The following TNKS2 variants were observed in gnomAD, a reference collection of about 807,000 sequenced individuals.
TNKS2 encodes poly [ADP-ribose] polymerase tankyrase-2.
A neutral mutation model predicts 137.6 loss-of-function variants in TNKS2; 72 were observed. That is an observed-to-expected ratio of 0.52 (90% confidence interval 0.43 to 0.64). The LOEUF (loss-of-function observed/expected upper bound fraction) is 0.64, where lower values mean the gene tolerates loss of function less well. TNKS2 is among the 30% of genes least tolerant of loss of function. The probability of loss-of-function intolerance (pLI) is 0.00; values close to 1 mark genes in which losing one functional copy is unlikely to be tolerated. For synonymous variants in TNKS2, 516 were observed against 512.1 expected, an observed-to-expected ratio of 1.01 and a Z score of -0.10; for missense variants, 1,049 against 1,410.2, an observed-to-expected ratio of 0.74 and a Z score of 4.10.
Position 91,849,562 on chromosome 10 carries a change from G to A in TNKS2, c.2662G>A (p.Glu888Lys), listed in dbSNP as rs556843721. ...ITQFVRNLGL[E>K]HLMDIFEREQ... ...TCAATTCGTAAGGAATCTTGGACTT[G>A]AGCACCTAATGGATATATTTGAGAG... Residue 888 changes from glutamate to lysine, a missense_variant, in exon 20 of 27, where the codon GAG becomes AAG. By Grantham distance (56) the Glu-to-Lys change is moderately conservative. Transcript: ENST00000371627. 40 of 1,612,228 alleles carry A rather than the reference G, an allele frequency of 2.5e-5. No homozygotes were observed. The South Asian group carries it at 3.9e-4, about 16-fold the overall frequency.
chr10:91,820,580 A>G (rs1589657852), intron 6 of TNKS2, among the ~76,000 whole-genome samples: 1 of 152,354 alleles, frequency 6.6e-6, no homozygotes, highest in Non-Finnish European at 1.5e-5. Flanking sequence ...AGAAATAGGT[A>G]AGAACCAGGT....
intron 1 of TNKS2, 138 bp from the exon 2 acceptor site, chr10:91,812,845 C>A: frequency 6.9e-7 from 1 of 1,450,472 alleles, no homozygotes. Context: ...TTTCTGATCA[C>A]CTTTCCATTA....
intron 1 of TNKS2, among the ~76,000 whole-genome samples, chr10:91,810,284 A>G (rs923850299): frequency 7.2e-5 from 11 of 151,874 alleles, no homozygotes; most frequent in Non-Finnish European, 1.2e-4. Flanking sequence ...AAGCTAAGGC[A>G]GGAGAATCGC....
Position 91,859,631 on chromosome 10 carries a change from T to C in TNKS2, c.3264T>C (p.Ser1088=), listed in dbSNP as rs750754816. The C allele has an allele frequency of 1.2e-6, 2 of 1,611,714 alleles. No homozygotes were observed. The highest frequency in any genetic ancestry group is 1.7e-6 in the Non-Finnish European group (2 of 1,179,176). Residue 1088 remains serine, a synonymous_variant, in exon 25 of 27, where the codon TCT becomes TCC. Transcript: ENST00000371627. ...GTGCPVHKDR[S]CYICHRQLLF... Reference sequence around the variant, plus strand: ...GGTGTCCAGTTCACAAAGACAGATCTTGTTACATTTGCCACAGGTAAGAGA... The same window carrying C: ...GGTGTCCAGTTCACAAAGACAGATCCTGTTACATTTGCCACAGGTAAGAGA...
intron 23 of TNKS2, among the ~76,000 whole-genome samples, chr10:91,857,119 A>T (rs1842729037): frequency 6.6e-6 from 1 of 152,162 alleles, no homozygotes; most frequent in Admixed American, 6.5e-5. Context: ...GGCATGTCTG[A>T]TTTGGAGGTG....
In TNKS2 at chr10:91,851,072, T is replaced by A. The variant is rs1842526098; in HGVS notation, c.2695-144T>A. The A allele has an allele frequency of 6.2e-6, 7 of 1,122,638 alleles. No homozygotes were observed. In the South Asian group the frequency reaches 6.6e-5, roughly 11 times the overall value. The allele number at this position is 1,122,638 out of a possible 1,614,324, so 69.5% of individuals were successfully genotyped here. A position where few individuals can be genotyped will look rare whatever the true frequency, so the allele number is the denominator to read the frequency against. On this transcript the variant is annotated intron_variant, in intron 20 of 26. Transcript: ENST00000371627. ...TTGCGTTTTAGTTCTGCTCAGGTTC[T>A]TATGCTAAATGGAAATAATATTTTT...
chr10:91,820,439 T>G (rs1425097536), intron 6 of TNKS2, among the ~76,000 whole-genome samples: 1 of 152,198 alleles, frequency 6.6e-6, no homozygotes, highest in Non-Finnish European at 1.5e-5. Context: ...TGCGGGACAT[T>G]AGTCTGTAAG....
Position 91,798,711 on chromosome 10 carries a change from C to T in TNKS2, c.21C>T (p.Ala7=). MSGRRC[A]GGGAACASAA... is the part of the protein sequence containing the mutation. ...GGATCATGTCGGGTCGCCGCTGCGCCGGCGGGGGAGCGGCCTGCGCGAGCG... is the reference window on the plus strand; with the variant it reads ...GGATCATGTCGGGTCGCCGCTGCGCTGGCGGGGGAGCGGCCTGCGCGAGCG... Residue 7 remains alanine, a synonymous_variant, in exon 1 of 27, where the codon GCC becomes GCT. Coordinates refer to ENST00000371627, the MANE Select transcript of TNKS2 (RefSeq NM_025235.4). 2 of 1,235,748 alleles carry T rather than the reference C, an allele frequency of 1.6e-6. No individual in the cohort carries two copies. Among genetic ancestry groups the T allele is most frequent in the Non-Finnish European group, 1.0e-6 (1 of 985,786 alleles). The allele number at this position is 1,235,748 out of a possible 1,614,324, so 76.5% of individuals were successfully genotyped here.
chr10:91,811,607 C>T (rs1018843674), intron 1 of TNKS2, among the ~76,000 whole-genome samples: 1 of 152,156 alleles, frequency 6.6e-6, no homozygotes, highest in Non-Finnish European at 1.5e-5. Context: ...TAAAACAAAA[C>T]AAAAACAGTT....
chr10:91,836,518 C>T (rs1829233169), intron 12 of TNKS2: 2 of 505,048 alleles, frequency 4.0e-6, no homozygotes, highest in African/African-American at 4.2e-5. Flanking sequence ...CAGGAAGTTC[C>T]AGTGACTTGT....
chr10:91,840,477 T>C, intron 13 of TNKS2, 84 bp from the exon 14 acceptor site: 1 of 1,268,612 alleles, frequency 7.9e-7, no homozygotes, highest in Non-Finnish European at 1.1e-6. Flanking sequence ...AGTCAGACAC[T>C]TTGAAAATTC....
chr10:91,860,590 A>T (rs1216721262), intron 25 of TNKS2, among the ~76,000 whole-genome samples: 3 of 152,200 alleles, frequency 2.0e-5, no homozygotes, highest in Admixed American at 6.5e-5. Flanking sequence ...AAAACTATTA[A>T]TGCCTGTGTC....
At chr10:91,845,610 G>A (rs1463810662) in intron 17 of TNKS2, 142 bp from the exon 18 acceptor site, 1 of 558,444 alleles carries the variant, frequency 1.8e-6, no homozygotes, top group Non-Finnish European at 2.9e-6. Flanking sequence ...CATAAGTTGT[G>A]ATGTTGGGGA....
At chr10:91,809,365 A>G (rs1013238356) in intron 1 of TNKS2, among the ~76,000 whole-genome samples, 4 of 152,160 alleles carry the variant, frequency 2.6e-5, no homozygotes, top group African/African-American at 9.7e-5. Flanking sequence ...ATCAGTCTTA[A>G]TCTTAGCCCT....
chr10:91,816,058 A>C (rs7901710), intron 2 of TNKS2, among the ~76,000 whole-genome samples: 78,039 of 150,000 alleles, frequency 0.52, 20,600 homozygotes, highest in East Asian at 0.72. Flanking sequence ...ACGCCATTCT[A>C]CTGCCTCAGC....
At chr10:91,807,399 G>A in intron 1 of TNKS2, 2 of 1,614,036 alleles carry the variant, frequency 1.2e-6, no homozygotes, top group Non-Finnish European at 1.7e-6. Context: ...AAGCTTCTCG[G>A]CAGCGCGGCT....
At position 91,865,413 on chromosome 10, in the gene TNKS2, T is replaced by C. The variant is rs1211600799; in HGVS notation, c.*2414T>C. 6.6e-6 allele frequency: 1 copy of C among 152,482 alleles called. No individual in the cohort carries two copies. Among genetic ancestry groups the C allele is most frequent in the Non-Finnish European group, 1.5e-5 (1 of 68,008 alleles). The allele number at this position is 152,482 out of a possible 1,614,324, so 9.4% of individuals were successfully genotyped here. The stretch of plus-strand genomic sequence containing the variant: ...AGTCTAATAGTGATAAAGAATGCAG[T>C]TTGAAGTTTGAAATATTGAATATTG... On this transcript the variant is annotated 3_prime_UTR_variant, in exon 27 of 27. Transcript: ENST00000371627.
rs368936138 is a variant in TNKS2, at chr10:91,817,096, T to C, written c.425-38T>C. The C allele has an allele frequency of 1.4e-4, 192 of 1,421,764 alleles. No individual in the cohort carries two copies. The African/African-American group carries it at 2.4e-3, about 18-fold the overall frequency. The allele number at this position is 1,421,764 out of a possible 1,614,324, so 88.1% of individuals were successfully genotyped here. A position where few individuals can be genotyped will look rare whatever the true frequency, so the allele number is the denominator to read the frequency against. On this transcript the variant is annotated intron_variant, in intron 2 of 26. Coordinates refer to ENST00000371627, the MANE Select transcript of TNKS2 (RefSeq NM_025235.4). Reference sequence around the variant, plus strand: ...ATTTACTAAAATCAAGTTGTTAAGATTACCATTGAACTTCAAAATAGTGTT... The same window carrying C: ...ATTTACTAAAATCAAGTTGTTAAGACTACCATTGAACTTCAAAATAGTGTT...
At chr10:91,846,066 T>C (rs925416705) in intron 18 of TNKS2, 126 bp downstream of exon 18, 3 of 593,906 alleles carry the variant, frequency 5.1e-6, no homozygotes, top group East Asian at 3.1e-5. Context: ...CTGATTTTAA[T>C]GTAAGAGTTC....
Sources: gnomAD v4.1 joint callset for allele counts (sites outside exome capture counted in the v4.1 genomes callset) on GRCh38, gnomAD v4.1.1 for gene constraint, MANE v1.5 for transcripts, NCBI Gene and HGNC (gene_info 2026-07-23, HGNC 2026-07-21) for gene names.